Variants in HCN1 observed in about 807,000 individuals in gnomAD.
HCN1 encodes the protein hyperpolarization activated cyclic nucleotide gated potassium channel 1, also known as potassium/sodium hyperpolarization-activated cyclic nucleotide-gated channel 1.
Under a neutral mutation model 78.9 loss-of-function variants are expected in HCN1, and 13 were observed. The ratio of observed to expected loss-of-function variants is 0.16; its 90% CI spans 0.11 to 0.26. The LOEUF is 0.26. HCN1 is among the 10% of genes least tolerant of loss of function. The pLI is 1.00. For synonymous variants in HCN1, 552 were observed against 455.5 expected (o/e 1.21, Z -2.70); for missense variants, 810 against 1,154.3 (o/e 0.70, Z 4.32).
intron 3 of HCN1, among the ~76,000 whole-genome samples, chr5:45,449,040 C>T (rs184895292): frequency 3.9e-5 from 6 of 152,176 alleles, no homozygotes; most frequent in South Asian, 2.1e-4. Context: ...CTTGAGCCCA[C>T]GAGGTTGCAG....
chr5:45,495,657 G>A (rs1398684397), intron 2 of HCN1, among the ~76,000 whole-genome samples: 1 of 152,276 alleles, frequency 6.6e-6, no homozygotes, highest in South Asian at 2.1e-4. Flanking sequence ...AGTGGTGAGA[G>A]AGGTCATCCC....
intron 6 of HCN1, 31 bp downstream of exon 6, chr5:45,303,568 A>T: frequency 1.9e-6 from 3 of 1,611,112 alleles, no homozygotes; most frequent in Non-Finnish European, 2.5e-6. Context: ...AGCAGTTTAG[A>T]TTTCATCTTA....
At chr5:45,482,399 C>T (rs960626529) in intron 2 of HCN1, among the ~76,000 whole-genome samples, 1 of 152,126 alleles carries the variant, frequency 6.6e-6, no homozygotes, top group South Asian at 2.1e-4. Context: ...GTATGCTTCC[C>T]TCCCCTTTCA....
At chr5:45,453,295 C>A (rs1043681623) in intron 3 of HCN1, among the ~76,000 whole-genome samples, 6 of 152,040 alleles carry the variant, frequency 3.9e-5, no homozygotes, top group African/African-American at 1.4e-4. Flanking sequence ...AGATTGAAGA[C>A]AATGTTACTA....
chr5:45,581,541 A>T (rs139153237), intron 2 of HCN1, among the ~76,000 whole-genome samples: 3,755 of 152,052 alleles, frequency 0.025, 67 homozygotes, highest in Non-Finnish European at 0.04. Context: ...CCCATTTGTC[A>T]ATTTTGGCTT....
chr5:45,328,915 G>T (rs1340051882), intron 5 of HCN1, among the ~76,000 whole-genome samples: 1 of 151,560 alleles, frequency 6.6e-6, no homozygotes, highest in Non-Finnish European at 1.5e-5. Context: ...AAGACCTTCT[G>T]AGTTTTTCAG....
chr5:45,321,750 G>T (rs1298090603), intron 5 of HCN1, among the ~76,000 whole-genome samples: 1 of 151,674 alleles, frequency 6.6e-6, no homozygotes, highest in East Asian at 1.9e-4. Flanking sequence ...ACTGTTGTGG[G>T]ATTATTTAAA....
At chr5:45,618,909 T>C (rs1275786288) in intron 2 of HCN1, among the ~76,000 whole-genome samples, 1 of 152,024 alleles carries the variant, frequency 6.6e-6, no homozygotes, top group Non-Finnish European at 1.5e-5. Flanking sequence ...TGAAGCACCA[T>C]GCAGACTTAC....
chr5:45,658,602 G>C (rs1050457593), intron 1 of HCN1, among the ~76,000 whole-genome samples: 6 of 151,898 alleles, frequency 4.0e-5, no homozygotes, highest in South Asian at 2.1e-4. Context: ...TGCGCGCACC[G>C]TGCGCGAGCC....
Position 45,645,688 on chromosome 5 carries a change from T to C in HCN1, c.426-80A>G, listed in dbSNP as rs112717333. ...CCCCCATGAAAAATTATTACTGATA[T>C]ATAGTGAGATCAATAAGTAAAAGAA... is the stretch of plus-strand genomic sequence containing the variant. On this transcript the variant is annotated intron_variant, in intron 1 of 7. Transcript: ENST00000303230. 7.4e-5 allele frequency: 57 copies of C among 765,872 alleles called. 2 individuals are homozygous for C. The highest frequency in any genetic ancestry group is 7.2e-4 in the African/African-American group (41 of 57,048). The allele number at this position is 765,872 out of a possible 1,614,324, so 47.4% of individuals were successfully genotyped here.
intron 5 of HCN1, among the ~76,000 whole-genome samples, chr5:45,333,485 C>T (rs1746389101): frequency 6.6e-6 from 1 of 151,524 alleles, no homozygotes; most frequent in African/African-American, 2.4e-5. Context: ...AGCTTTTTAA[C>T]TTGATGTGAT....
intron 4 of HCN1, among the ~76,000 whole-genome samples, chr5:45,366,803 AAG>A (rs566234959): frequency 2.2e-4 from 34 of 151,940 alleles, no homozygotes; most frequent in African/African-American, 7.7e-4. Flanking sequence ...AATTCTAACA[AAG>A]ATATTCCTTC....
At chr5:45,653,895 T>C (rs554045221) in intron 1 of HCN1, among the ~76,000 whole-genome samples, 11 of 152,174 alleles carry the variant, frequency 7.2e-5, no homozygotes, top group Non-Finnish European at 1.5e-4. Flanking sequence ...ATTGTGCACA[T>C]GTACCCTAAA....
At position 45,520,826 on chromosome 5, in the gene HCN1, T is replaced by A. The variant is rs147234657; in HGVS notation, c.850-58819A>T. 7.2e-3 allele frequency among the ~76,000 whole-genome samples: 1,089 copies of A among 152,064 alleles called. 7 individuals are homozygous for A. Among genetic ancestry groups the A allele is most frequent in the South Asian group, 0.012 (57 of 4,828 alleles). ...TTCTTTTAGAGATGAAAAGACATAC[T>A]ACTCAGGCAAGTCATTATAATATAA... On this transcript the variant is annotated intron_variant, in intron 2 of 7. Transcript: ENST00000303230.
At chr5:45,556,556 T>C (rs759569357) in intron 2 of HCN1, among the ~76,000 whole-genome samples, 6 of 151,982 alleles carry the variant, frequency 3.9e-5, no homozygotes, top group Non-Finnish European at 7.4e-5. Flanking sequence ...TACTATAACA[T>C]TCATCCTTAC....
At chr5:45,271,359 TACACAC>T (rs34016747) in intron 6 of HCN1, among the ~76,000 whole-genome samples, 2,678 of 137,342 alleles carry the variant, frequency 0.019, 24 homozygotes, top group African/African-American at 0.032. Flanking sequence ...CTGATTCAGG[TACACAC>T]ACACACACAC....
chr5:45,454,860 G>A lies in HCN1; in HGVS notation c.1011+6986C>T, dbSNP rs184886037. On this transcript the variant is annotated intron_variant, in intron 3 of 7. Transcript: ENST00000303230. The stretch of plus-strand genomic sequence containing the variant: ...AGCTTACATATGAATAATTCTCATT[G>A]CTTTTTTTCCAAATTATTTACTTAA... Among the ~76,000 whole-genome samples, 265 of 152,060 alleles carry A rather than the reference G, an allele frequency of 1.7e-3. 1 individual carries two copies. Among genetic ancestry groups the A allele is most frequent in the African/African-American group, 6.1e-3 (255 of 41,502 alleles).
chr5:45,387,735 C>T (rs1382648270), intron 4 of HCN1, among the ~76,000 whole-genome samples: 2 of 152,084 alleles, frequency 1.3e-5, no homozygotes, highest in Non-Finnish European at 2.9e-5. Flanking sequence ...GTAGTCCTCA[C>T]TTATTAGTGG....
chr5:45,647,336 G>A (rs1381200676), intron 1 of HCN1, among the ~76,000 whole-genome samples: 3 of 152,094 alleles, frequency 2.0e-5, no homozygotes, highest in Admixed American at 6.6e-5. Flanking sequence ...GAGCAATATT[G>A]TAACAGCTAT....
Sources: allele counts gnomAD v4.1 joint callset (sites outside exome capture counted in the v4.1 genomes callset), GRCh38; gene constraint gnomAD v4.1.1; transcripts MANE v1.5; gene names NCBI Gene and HGNC (gene_info 2026-07-23, HGNC 2026-07-21).